ATP7B: variants seen among roughly 807,000 people sequenced by gnomAD.
The protein encoded by ATP7B is ATPase copper transporting beta.
ATP7B carries 113 observed loss-of-function variants against 118.9 expected under a neutral mutation model. That is an observed-to-expected ratio of 0.95 (90% CI 0.82 to 1.11). The LOEUF (loss-of-function observed/expected upper bound fraction) is 1.11, where lower values mean the gene tolerates loss of function less well. Among genes scored for constraint, ATP7B ranks in the 50% most tolerant of loss-of-function variants. The pLI, the probability that ATP7B is intolerant of heterozygous loss-of-function variation, is 0.00. For missense variants in ATP7B, 1,867 were observed against 1,871.4 expected (o/e 1.00, Z 0.04); for synonymous variants, 777 against 727.4 (o/e 1.07, Z -1.10).
chr13:51,984,522 C>G (rs564942097), intron 1 of ATP7B, among the ~76,000 whole-genome samples: 5 of 152,134 alleles, frequency 3.3e-5, no homozygotes, highest in Non-Finnish European at 5.9e-5. Context: ...CTTCCCCAAC[C>G]TAGCAAGACA....
chr13:52,012,023 GA>G (rs1417651226), upstream of ATP7B: 2 of 375,276 alleles, frequency 5.3e-6, no homozygotes, highest in Non-Finnish European at 1.0e-5. Flanking sequence ...TCCGCACCTG[GA>G]AAATCGATCC....
intron 9 of ATP7B, among the ~76,000 whole-genome samples, chr13:51,956,234 C>T (rs575926795): frequency 4.6e-5 from 7 of 152,302 alleles, no homozygotes; most frequent in South Asian, 2.1e-4. Flanking sequence ...TGTGTGGCCC[C>T]GGTCAGTTCC....
intron 4 of ATP7B, 28 bp from the exon 5 acceptor site, chr13:51,965,061 C>T: frequency 6.2e-7 from 1 of 1,613,374 alleles, no homozygotes; most frequent in Non-Finnish European, 8.5e-7. Context: ...AAGAATCCCA[C>T]AGACCCAGGA....
intron 16 of ATP7B, 147 bp from the exon 17 acceptor site, chr13:51,939,340 T>C (rs1339188001): frequency 5.4e-6 from 7 of 1,305,956 alleles, no homozygotes; most frequent in Non-Finnish European, 7.5e-6. Flanking sequence ...TTTTGCTTTT[T>C]AAAAAGTACA....
Position 51,957,616 on chromosome 13 carries a change from T to C in ATP7B, c.2356-9A>G, listed in dbSNP as rs1339073174. ...GCTTCTGAGGTTTTGCTCTAGGAAATAACCAGAATGTGAAATGAGAGCTAT... is the reference window on the plus strand; with the variant it reads ...GCTTCTGAGGTTTTGCTCTAGGAAACAACCAGAATGTGAAATGAGAGCTAT... On this transcript the variant is annotated splice_polypyrimidine_tract_variant and intron_variant, in intron 8 of 20. Coordinates refer to ENST00000242839, the MANE Select transcript of ATP7B (RefSeq NM_000053.4). 6.2e-7 allele frequency: 1 copy of C among 1,612,822 alleles called. No individual in the cohort carries two copies. The highest frequency in any genetic ancestry group is 1.7e-5 in the Admixed American group (1 of 60,014).
chr13:52,006,185 G>T (rs1364056359), intron 1 of ATP7B, among the ~76,000 whole-genome samples: 6 of 152,306 alleles, frequency 3.9e-5, no homozygotes, highest in African/African-American at 1.4e-4. Context: ...AAATTCGTGG[G>T]TAAATCTTTG....
intron 1 of ATP7B, chr13:51,975,608 G>C (rs1346869181): frequency 7.9e-6 from 4 of 504,090 alleles, no homozygotes; most frequent in South Asian, 5.8e-5. Context: ...CAAACTTTGG[G>C]GGTCCTGCTG....
intron 1 of ATP7B, among the ~76,000 whole-genome samples, chr13:52,008,165 C>A (rs1370960299): frequency 6.6e-6 from 1 of 152,020 alleles, no homozygotes; most frequent in Admixed American, 6.6e-5. Context: ...CATGGTGAAA[C>A]CCCGTCTCCA....
At chr13:51,975,478 C>T (rs1046985692) in intron 1 of ATP7B, 2 of 548,776 alleles carry the variant, frequency 3.6e-6, no homozygotes, top group Non-Finnish European at 7.1e-6. Context: ...TGGAATGCAG[C>T]ACGGCTGGCC....
chr13:52,002,814 A>G (rs1953574883), intron 1 of ATP7B, among the ~76,000 whole-genome samples: 1 of 152,190 alleles, frequency 6.6e-6, no homozygotes, highest in African/African-American at 2.4e-5. Flanking sequence ...TTATGTTTAC[A>G]CTATAGTCTA....
chr13:51,952,013 C>G (rs192878047), intron 9 of ATP7B, among the ~76,000 whole-genome samples: 2 of 152,072 alleles, frequency 1.3e-5, no homozygotes, highest in South Asian at 2.1e-4. Flanking sequence ...TGAGAGAGCA[C>G]GCAGTGAGAA....
chr13:51,980,146 C>T (rs1245260565), intron 1 of ATP7B, among the ~76,000 whole-genome samples: 3 of 152,100 alleles, frequency 2.0e-5, no homozygotes, highest in Admixed American at 2.0e-4. Context: ...GATTTAAGGG[C>T]CCATCAAAGA....
At chr13:51,984,725 A>C (rs1265825724) in intron 1 of ATP7B, among the ~76,000 whole-genome samples, 1 of 152,262 alleles carries the variant, frequency 6.6e-6, no homozygotes, top group African/African-American at 2.4e-5. Flanking sequence ...CTCTCTGCAG[A>C]AACCCTACAA....
intron 1 of ATP7B, among the ~76,000 whole-genome samples, chr13:52,003,226 A>G (rs1953599945): frequency 6.6e-6 from 1 of 152,178 alleles, no homozygotes; most frequent in Non-Finnish European, 1.5e-5. Context: ...AAGCTTAATC[A>G]TTTCTAGCTT....
intron 1 of ATP7B, among the ~76,000 whole-genome samples, chr13:52,001,537 C>T (rs1953491192): frequency 6.6e-6 from 1 of 152,048 alleles, no homozygotes; most frequent in African/African-American, 2.4e-5. Flanking sequence ...GAAATACCTC[C>T]CTCCAACATC....
chr13:51,967,886 C>A (rs143642345), intron 4 of ATP7B, among the ~76,000 whole-genome samples: 2 of 152,332 alleles, frequency 1.3e-5, no homozygotes, highest in African/African-American at 4.8e-5. Context: ...GGCACGTAGA[C>A]AGATGGGAAA....
chr13:51,955,642 G>A (rs553651422), intron 9 of ATP7B, among the ~76,000 whole-genome samples: 1 of 152,348 alleles, frequency 6.6e-6, no homozygotes, highest in East Asian at 1.9e-4. Context: ...AGTGCCATCA[G>A]AGGCGCCTCA....
intron 16 of ATP7B, 75 bp downstream of exon 16, chr13:51,941,006 G>C (rs1418760198): frequency 6.3e-7 from 1 of 1,590,134 alleles, no homozygotes; most frequent in Non-Finnish European, 8.6e-7. Context: ...TTTTATAAAG[G>C]AGGACTCTTT....
Position 51,974,937 on chromosome 13 carries a change from G to A in ATP7B, c.283C>T (p.Gln95Ter), listed in dbSNP as rs756929892. 1.2e-6 allele frequency: 2 copies of A among 1,614,196 alleles called. No individual in the cohort carries two copies. The highest frequency in any genetic ancestry group is 3.3e-5 in the Admixed American group (2 of 60,024). The change falls in exon 2 of 21, where the codon CAA becomes TAA. Residue 95 changes from glutamine (Q) to a stop codon, truncating the protein, a stop_gained. Coordinates refer to ENST00000242839, the MANE Select transcript of ATP7B (RefSeq NM_000053.4). LOFTEE classifies it high-confidence loss of function. ...ACATATTTCACAGTGGCACTGCCTTGTTCCAGGGAAACCTTCATGCTGATG... is the reference window on the plus strand; with the variant it reads ...ACATATTTCACAGTGGCACTGCCTTATTCCAGGGAAACCTTCATGCTGATG... ...GIISMKVSLE[Q>*]GSATVKYVPS...
Sources: gnomAD v4.1 joint callset for allele counts (sites outside exome capture counted in the v4.1 genomes callset) on GRCh38, gnomAD v4.1.1 for gene constraint, MANE v1.5 for transcripts, NCBI Gene and HGNC (gene_info 2026-07-23, HGNC 2026-07-21) for gene names.